Variants in UGT2B7 observed in about 807,000 individuals in gnomAD.
UGT2B7 encodes the protein UDP glucuronosyltransferase family 2 member B7.
In UGT2B7, 51 loss-of-function variants were observed where a neutral mutation model predicts 51.9. That is an observed-to-expected ratio of 0.98 (90% CI 0.78 to 1.24). The LOEUF (loss-of-function observed/expected upper bound fraction) is 1.24. Among genes scored for constraint, UGT2B7 ranks in the 50% most tolerant of loss-of-function variants. UGT2B7 has a pLI of 0.00. For synonymous variants in UGT2B7, 225 were observed against 211.6 expected (o/e 1.06, Z -0.55); for missense variants, 727 against 628.4 (o/e 1.16, Z -1.68).
At chr4:69,078,337 C>A (rs1220992157) in intron 1 of UGT2B7, among the ~76,000 whole-genome samples, 1 of 152,106 alleles carries the variant, frequency 6.6e-6, no homozygotes, top group Non-Finnish European at 1.5e-5. Flanking sequence ...AGGACTCCCT[C>A]TTTTTCTATG....
chr4:69,108,182 G>T lies in UGT2B7; in HGVS notation c.1170G>T (p.Met390Ile), dbSNP rs1334870315. Residue 390 changes from methionine (M) to isoleucine (I), a missense_variant, in exon 5 of 6, where the codon ATG becomes ATT. By Grantham distance (10) the Met-to-Ile change is conservative (BLOSUM62 1). Transcript: ENST00000305231. ...IYEAIYHGIP[M>I]VGIPLFADQP... ...AGGCAATCTACCATGGGATCCCTAT[G>T]GTGGGGATTCCATTGTTTGCCGATC... The T allele has an allele frequency of 1.9e-6, 3 of 1,613,710 alleles. No individual in the cohort carries two copies. Among genetic ancestry groups the T allele is most frequent in the Non-Finnish European group, 2.5e-6 (3 of 1,179,716 alleles).
chr4:69,063,296 G>T (rs1260100758), intron 1 of UGT2B7, among the ~76,000 whole-genome samples: 1 of 131,486 alleles, frequency 7.6e-6, no homozygotes, highest in Non-Finnish European at 1.5e-5. Context: ...TCCAGCCTGG[G>T]CGACAGAGCG....
At chr4:69,074,635 G>T (rs956923851) in intron 1 of UGT2B7, among the ~76,000 whole-genome samples, 1 of 151,606 alleles carries the variant, frequency 6.6e-6, no homozygotes, top group African/African-American at 2.4e-5. Flanking sequence ...ATTTAAAATT[G>T]CCTCTGCTGT....
chr4:69,061,067 G>A (rs528668460), intron 1 of UGT2B7, among the ~76,000 whole-genome samples: 1 of 152,086 alleles, frequency 6.6e-6, no homozygotes, highest in African/African-American at 2.4e-5. Flanking sequence ...CACCAAACTG[G>A]GTATGCAGTG....
At chr4:69,069,911 G>T (rs1718564823) in intron 1 of UGT2B7, 1 of 152,074 alleles carries the variant, frequency 6.6e-6, no homozygotes, top group Admixed American at 6.6e-5. Flanking sequence ...TCTAAGGCAG[G>T]CAGGCATGAT....
At chr4:69,082,808 T>A (rs1474828491) in intron 1 of UGT2B7, among the ~76,000 whole-genome samples, 2 of 152,168 alleles carry the variant, frequency 1.3e-5, no homozygotes, top group Non-Finnish European at 2.9e-5. Context: ...AGAATTTGAA[T>A]GTTGACAAAA....
intron 1 of UGT2B7, among the ~76,000 whole-genome samples, chr4:69,062,029 T>C (rs1393390312): frequency 6.6e-6 from 1 of 152,168 alleles, no homozygotes; most frequent in Non-Finnish European, 1.5e-5. Flanking sequence ...GGACTGGCAT[T>C]TGTGGCTGAA....
chr4:69,086,831 C>A (rs1248865321), intron 1 of UGT2B7, among the ~76,000 whole-genome samples: 1 of 151,590 alleles, frequency 6.6e-6, no homozygotes, highest in African/African-American at 2.4e-5. Flanking sequence ...TTTTCTATTT[C>A]TTTTCTTTTA....
intron 1 of UGT2B7, among the ~76,000 whole-genome samples, chr4:69,075,133 T>C (rs1387796056): frequency 6.6e-6 from 1 of 152,174 alleles, no homozygotes; most frequent in Non-Finnish European, 1.5e-5. Context: ...ATGAATTTCA[T>C]AGTTGCTTAG....
At chr4:69,061,742 G>A (rs1718352241) in intron 1 of UGT2B7, among the ~76,000 whole-genome samples, 1 of 152,164 alleles carries the variant, frequency 6.6e-6, no homozygotes, top group Non-Finnish European at 1.5e-5. Flanking sequence ...TTTGTAAACA[G>A]CGTTTAACTT....
intron 1 of UGT2B7, among the ~76,000 whole-genome samples, chr4:69,081,085 T>G (rs1718827349): frequency 1.3e-5 from 2 of 152,174 alleles, no homozygotes; most frequent in Admixed American, 6.6e-5. Flanking sequence ...GAAATATTAT[T>G]ACTAAATTAA....
chr4:69,070,174 G>A (rs2109867948), intron 1 of UGT2B7, among the ~76,000 whole-genome samples: 1 of 149,514 alleles, frequency 6.7e-6, no homozygotes, highest in South Asian at 2.1e-4. Flanking sequence ...GAGAAAGGCA[G>A]AAAGATTAGC....
rs1719625881 is a variant in UGT2B7, at chr4:69,107,189, T to C, written c.1017T>C (p.Phe339=). The change falls in exon 4 of 6, where the codon TTT becomes TTC. Residue 339 remains phenylalanine (F), a synonymous_variant. Transcript: ENST00000305231. ...AQIPQKVLWR[F]DGNKPDTLGL... ...TATTGTAACAGGTTCTGTGGAGATT[T>C]GATGGGAATAAACCAGATACCTTAG... The C allele has an allele frequency of 6.2e-7, 1 of 1,608,682 alleles. No homozygotes were observed. Among genetic ancestry groups the C allele is most frequent in the African/African-American group, 1.3e-5 (1 of 74,684 alleles).
intron 1 of UGT2B7, among the ~76,000 whole-genome samples, chr4:69,080,286 A>G (rs4632729): frequency 0.58 from 87,675 of 151,940 alleles, 26,298 homozygotes; most frequent in African/African-American, 0.71. Flanking sequence ...GGTGGCTCAC[A>G]CCTGTAATCC....
intron 2 of UGT2B7, among the ~76,000 whole-genome samples, chr4:69,090,999 A>T (rs1719072065): frequency 6.6e-6 from 1 of 152,328 alleles, no homozygotes; most frequent in East Asian, 1.9e-4. Flanking sequence ...TGATCCATAC[A>T]CATTGGGATG....
At chr4:69,051,715 G>C (rs1487167777) in intron 1 of UGT2B7, 4 of 152,304 alleles carry the variant, frequency 2.6e-5, no homozygotes, top group Admixed American at 2.6e-4. Context: ...GGCTTGACTT[G>C]GTAGGACTAG....
chr4:69,103,071 TG>T (rs1188812460), intron 3 of UGT2B7, 133 bp downstream of exon 3: 2 of 1,469,284 alleles, frequency 1.4e-6, no homozygotes, highest in African/African-American at 1.4e-5. Flanking sequence ...AGGATAATCT[TG>T]GAGAAACTAT....
At chr4:69,071,793 A>C (rs1475503931) in intron 1 of UGT2B7, among the ~76,000 whole-genome samples, 2 of 152,156 alleles carry the variant, frequency 1.3e-5, no homozygotes, top group African/African-American at 4.8e-5. Flanking sequence ...AGTACAAGAA[A>C]AAAAGTGTAA....
rs1719320785 is a variant in UGT2B7 at position 69,098,593 on chromosome 4, C to T, written c.775C>T (p.Arg259Ter). 3.1e-6 allele frequency: 5 copies of T among 1,611,548 alleles called. No individual in the cohort carries two copies. The highest frequency in any genetic ancestry group is 2.2e-5 in the South Asian group (2 of 90,836). The change falls in exon 2 of 6, where the codon CGA becomes TGA. Residue 259 changes from arginine to a stop codon, truncating the protein, a stop_gained. Coordinates refer to ENST00000305231, the MANE Select transcript of UGT2B7 (RefSeq NM_001074.4). LOFTEE classifies it high-confidence loss of function. ...GGGGAAAGCTGACGTATGGCTTATT[C>T]GAAACTCCTGGAATTTTCAGTTTCC... ...TMGKADVWLIRNSWNFQFPYP... is the reference protein window; with the variant it reads ...TMGKADVWLI
Sources: gnomAD v4.1 joint callset for allele counts (sites outside exome capture counted in the v4.1 genomes callset) on GRCh38, gnomAD v4.1.1 for gene constraint, MANE v1.5 for transcripts, NCBI Gene and HGNC (gene_info 2026-07-23, HGNC 2026-07-21) for gene names.